Variants in AGBL1 observed in about 807,000 individuals in gnomAD.
The protein encoded by AGBL1 is AGBL carboxypeptidase 1.
Under a neutral mutation model 118.9 loss-of-function variants are expected in AGBL1, and 130 were observed. The observed-to-expected ratio is 1.09, with a 90% CI of 0.95 to 1.26. The LOEUF is 1.26. AGBL1 is among the 50% of genes most tolerant of loss of function. The pLI, the probability that AGBL1 is intolerant of heterozygous loss-of-function variation, is 0.00. For synonymous variants in AGBL1, 555 were observed against 478.9 expected (o/e 1.16, Z -2.08); for missense variants, 1,584 against 1,298.1 (o/e 1.22, Z -3.38).
chr15:86,877,803 T>C (rs1005487863), intron 22 of AGBL1, among the ~76,000 whole-genome samples: 1 of 152,218 alleles, frequency 6.6e-6, no homozygotes, highest in Non-Finnish European at 1.5e-5. Context: ...ATTGCATTTT[T>C]TTCCAAGATA....
At chr15:86,391,386 TA>T in intron 17 of AGBL1, among the ~76,000 whole-genome samples, 1 of 152,142 alleles carries the variant, frequency 6.6e-6, no homozygotes, top group East Asian at 1.9e-4. Context: ...TTTCTCATTT[TA>T]TTTTTTTTCT....
chr15:86,538,746 A>C (rs1471093906), intron 19 of AGBL1, among the ~76,000 whole-genome samples: 2 of 152,250 alleles, frequency 1.3e-5, no homozygotes, highest in Non-Finnish European at 2.9e-5. Context: ...CAGATGTCAG[A>C]ATGGAAAGCA....
intron 22 of AGBL1, among the ~76,000 whole-genome samples, chr15:86,870,431 C>A (rs1156976743): frequency 1.5e-5 from 1 of 67,398 alleles, no homozygotes; most frequent in East Asian, 3.6e-4. Context: ...CCAACTGTGG[C>A]AAGAAAAAAG....
At chr15:86,163,904 A>C (rs954700625) in intron 5 of AGBL1, among the ~76,000 whole-genome samples, 2 of 152,224 alleles carry the variant, frequency 1.3e-5, no homozygotes, top group African/African-American at 4.8e-5. Context: ...CTGGCTGCAC[A>C]TGCAGAGTTC....
intron 18 of AGBL1, among the ~76,000 whole-genome samples, chr15:86,459,989 C>CA (rs1215267011): frequency 6.6e-6 from 1 of 152,002 alleles, no homozygotes; most frequent in East Asian, 1.9e-4. Flanking sequence ...TAATTGATGG[C>CA]AAAATCTTCC....
At chr15:86,986,281 C>G (rs1382210438) in intron 23 of AGBL1, among the ~76,000 whole-genome samples, 1 of 152,102 alleles carries the variant, frequency 6.6e-6, no homozygotes, top group East Asian at 1.9e-4. Context: ...AAGTTTATTT[C>G]TTCTATTGTC....
chr15:86,677,977 CT>C (rs1193874026), intron 22 of AGBL1, among the ~76,000 whole-genome samples: 1 of 152,144 alleles, frequency 6.6e-6, no homozygotes, highest in African/African-American at 2.4e-5. Context: ...AATTATTTTT[CT>C]GTTTTTAACT....
intron 24 of AGBL1, among the ~76,000 whole-genome samples, chr15:87,018,369 G>T (rs1349706493): frequency 6.6e-6 from 1 of 151,944 alleles, no homozygotes; most frequent in Non-Finnish European, 1.5e-5. Context: ...CCAGAGAAAG[G>T]CCAGGTCACC....
At chr15:86,759,585 A>G (rs1378258558) in intron 22 of AGBL1, among the ~76,000 whole-genome samples, 2 of 152,094 alleles carry the variant, frequency 1.3e-5, no homozygotes, top group East Asian at 1.9e-4. Context: ...TTCCTCCCCA[A>G]ATCACACAAC....
At chr15:86,275,731 C>G (rs1028599663) in intron 15 of AGBL1, among the ~76,000 whole-genome samples, 2 of 152,106 alleles carry the variant, frequency 1.3e-5, no homozygotes, top group African/African-American at 2.4e-5. Context: ...CTGGATGTAC[C>G]CAGCCCAGGT....
chr15:86,481,147 A>G (rs1400473655), intron 18 of AGBL1, among the ~76,000 whole-genome samples: 1 of 137,566 alleles, frequency 7.3e-6, no homozygotes, highest in African/African-American at 2.8e-5. Flanking sequence ...AAAAAAAAAA[A>G]AAGTCATTTT....
chr15:86,188,286 C>G (rs1300767138), intron 5 of AGBL1, among the ~76,000 whole-genome samples: 1 of 152,072 alleles, frequency 6.6e-6, no homozygotes, highest in African/African-American at 2.4e-5. Flanking sequence ...ATCATGCTTT[C>G]TTTAGTACTG....
At chr15:86,863,804 G>C (rs1259959586) in intron 22 of AGBL1, among the ~76,000 whole-genome samples, 2 of 152,180 alleles carry the variant, frequency 1.3e-5, no homozygotes, top group Non-Finnish European at 2.9e-5. Context: ...GGGTTCTGAA[G>C]TCAGATGGAC....
chr15:86,614,660 T>C (rs950289824), intron 21 of AGBL1, among the ~76,000 whole-genome samples: 2 of 152,212 alleles, frequency 1.3e-5, no homozygotes, highest in African/African-American at 4.8e-5. Context: ...ATGTGCACAA[T>C]TGACTCTTGT....
rs373117612 is a variant in AGBL1 at position 86,749,968 on chromosome 15, T to A, written c.3158+75532T>A. On this transcript the variant is annotated intron_variant, in intron 22 of 22. Transcript: ENST00000614907. ...TTCATCAGGGATATTGGTCTAAAAT[T>A]CTCTTTTTTTGTTGTGTCTCTGCCA... Among the ~76,000 whole-genome samples the A allele has an allele frequency of 3.3e-5, 5 of 152,132 alleles. No individual in the cohort carries two copies. The East Asian group carries it at 5.8e-4, about 18-fold the overall frequency.
chr15:86,985,922 C>T (rs1188859284), intron 23 of AGBL1, among the ~76,000 whole-genome samples: 1 of 149,834 alleles, frequency 6.7e-6, no homozygotes, highest in African/African-American at 2.5e-5. Context: ...GGATAGCAAT[C>T]TTTTTTTTTT....
chr15:86,990,022 TG>T (rs1472289569), intron 24 of AGBL1, among the ~76,000 whole-genome samples: 1 of 152,154 alleles, frequency 6.6e-6, no homozygotes, highest in African/African-American at 2.4e-5. Context: ...TCCAGGGTCT[TG>T]GGGGCCATGG....
intron 24 of AGBL1, among the ~76,000 whole-genome samples, chr15:87,003,922 G>A (rs1309214028): frequency 6.7e-6 from 1 of 149,752 alleles, no homozygotes; most frequent in Non-Finnish European, 1.5e-5. Context: ...CCAGCTCCTG[G>A]ATTCATTGAT....
In AGBL1 at chr15:86,968,860, T is replaced by C. The variant is rs149033870; in HGVS notation, c.3222-19127T>C. 6.3e-3 allele frequency among the ~76,000 whole-genome samples: 960 copies of C among 151,996 alleles called. 6 individuals carry two copies. Among genetic ancestry groups the C allele is most frequent in the Middle Eastern group, 0.024 (7 of 294 alleles). ...TTGTTACTCACAGATGGAGACCCCT[T>C]GTAGCTTTCTCACATCGTGGAAGAG... On this transcript the variant is annotated intron_variant, in intron 23 of 24. Coordinates refer to the AGBL1 transcript ENST00000441037.
Sources: gnomAD v4.1 joint callset for allele counts (sites outside exome capture counted in the v4.1 genomes callset) on GRCh38, gnomAD v4.1.1 for gene constraint, MANE v1.5 for transcripts, NCBI Gene and HGNC (gene_info 2026-07-23, HGNC 2026-07-21) for gene names.